Variants in ADGRL3 observed in about 807,000 individuals in gnomAD.
ADGRL3 encodes the protein adhesion G protein-coupled receptor L3.
ADGRL3 carries 62 observed loss-of-function variants against 153.5 expected under a neutral mutation model. That is an observed-to-expected ratio of 0.40 (90% CI 0.33 to 0.50). The LOEUF is 0.50. Ranked by LOEUF, ADGRL3 falls within the 20% of genes least tolerant of loss-of-function variation. The pLI is 0.47. For missense variants in ADGRL3, 1,641 were observed against 1,859.4 expected (o/e 0.88, Z 2.16); for synonymous variants, 710 against 672.5 (o/e 1.06, Z -0.86).
intron 6 of ADGRL3, among the ~76,000 whole-genome samples, chr4:61,714,525 T>A (rs769029073): frequency 6.6e-6 from 1 of 152,170 alleles, no homozygotes; most frequent in Non-Finnish European, 1.5e-5. Flanking sequence ...AAATGCCTTC[T>A]ATTTGTCTTT....
chr4:61,836,436 T>C (rs182106969), intron 9 of ADGRL3, among the ~76,000 whole-genome samples: 5 of 152,260 alleles, frequency 3.3e-5, no homozygotes, highest in Admixed American at 3.3e-4. Flanking sequence ...ATCCACTGGA[T>C]ATTTTTTTTC....
intron 19 of ADGRL3, among the ~76,000 whole-genome samples, chr4:61,986,408 A>AT (rs2150918020): frequency 6.6e-6 from 1 of 152,204 alleles, no homozygotes; most frequent in African/African-American, 2.4e-5. Context: ...TTTGAGACAG[A>AT]TGTCATTTTT....
At chr4:61,802,561 A>C (rs1349029553) in intron 8 of ADGRL3, among the ~76,000 whole-genome samples, 2 of 152,046 alleles carry the variant, frequency 1.3e-5, no homozygotes, top group Non-Finnish European at 2.9e-5. Context: ...CTCCATGAGC[A>C]CTGCTCATCG....
At chr4:61,395,292 C>G (rs576774769) in intron 2 of ADGRL3, among the ~76,000 whole-genome samples, 1 of 151,838 alleles carries the variant, frequency 6.6e-6, no homozygotes, top group Non-Finnish European at 1.5e-5. Flanking sequence ...ATGATAACAC[C>G]TTTGAAAAGA....
chr4:61,507,488 C>A (rs184379616), intron 3 of ADGRL3, among the ~76,000 whole-genome samples: 1 of 152,132 alleles, frequency 6.6e-6, no homozygotes, highest in Admixed American at 6.6e-5. Flanking sequence ...ACATTTGAGC[C>A]TGTTAACATA....
In ADGRL3 at chr4:61,440,830, C is replaced by A. The variant is rs6840179; in HGVS notation, c.-173-56291C>A. Among the ~76,000 whole-genome samples the A allele has an allele frequency of 7.8e-3, 1,190 of 152,228 alleles. 13 individuals carry two copies. The highest frequency in any genetic ancestry group is 0.027 in the African/African-American group (1,109 of 41,526). ...ATGATGATAACGACCATGACACCAA[C>A]AATAATAACAGAATTACAATTAACT... is the stretch of plus-strand genomic sequence containing the variant. On this transcript the variant is annotated intron_variant, in intron 2 of 26. Coordinates refer to ENST00000683033, the MANE Select transcript of ADGRL3 (RefSeq NM_001387552.1).
At chr4:61,425,914 G>A (rs1647834489) in intron 2 of ADGRL3, among the ~76,000 whole-genome samples, 1 of 152,208 alleles carries the variant, frequency 6.6e-6, no homozygotes, top group South Asian at 2.1e-4. Flanking sequence ...TAGGTGCATT[G>A]AGGCAGGCAA....
chr4:61,686,513 A>G (rs981082369), intron 6 of ADGRL3, among the ~76,000 whole-genome samples: 2 of 152,110 alleles, frequency 1.3e-5, no homozygotes, highest in African/African-American at 4.8e-5. Flanking sequence ...ATTTGTTTTA[A>G]ATTGACACAT....
intron 4 of ADGRL3, among the ~76,000 whole-genome samples, chr4:61,553,708 G>A (rs2343249): frequency 0.69 from 105,110 of 151,960 alleles, 37,739 homozygotes; most frequent in East Asian, 0.91. Flanking sequence ...TCAAGTGCTT[G>A]TCCTGTTCTA....
At chr4:61,352,432 A>G (rs929662724) in intron 1 of ADGRL3, among the ~76,000 whole-genome samples, 2 of 151,616 alleles carry the variant, frequency 1.3e-5, no homozygotes, top group African/African-American at 4.9e-5. Flanking sequence ...TCTGTCACCC[A>G]AGCTGGAGTG....
chr4:61,356,299 G>A (rs1450640560), intron 1 of ADGRL3, among the ~76,000 whole-genome samples: 1 of 151,936 alleles, frequency 6.6e-6, no homozygotes, highest in Non-Finnish European at 1.5e-5. Flanking sequence ...AATCTGTTAT[G>A]CAGGATTTGA....
intron 4 of ADGRL3, among the ~76,000 whole-genome samples, chr4:61,547,830 A>G (rs537529666): frequency 3.9e-5 from 6 of 152,066 alleles, no homozygotes; most frequent in Non-Finnish European, 7.4e-5. Flanking sequence ...AAATTGCCAA[A>G]CTGCTTCACA....
intron 1 of ADGRL3, among the ~76,000 whole-genome samples, chr4:61,226,001 G>A (rs1272042656): frequency 6.6e-6 from 1 of 151,484 alleles, no homozygotes; most frequent in African/African-American, 2.4e-5. Context: ...TCATTTTTCC[G>A]TAACAGCTCT....
intron 4 of ADGRL3, among the ~76,000 whole-genome samples, chr4:61,558,185 T>TATATATATAC (rs1314342361): frequency 6.9e-6 from 1 of 145,644 alleles, no homozygotes; most frequent in African/African-American, 2.5e-5. Context: ...TATATATATA[T>TATATATATAC]ATATATATAT....
rs139929080 is a variant in ADGRL3 at position 61,778,795 on chromosome 4, C to T, written c.1400-35014C>T. Among the ~76,000 whole-genome samples the T allele has an allele frequency of 4.6e-3, 696 of 152,218 alleles. 7 individuals are homozygous for T. The highest frequency in any genetic ancestry group is 0.016 in the African/African-American group (644 of 41,524). ...TTTGTAAGCTGGGCGTGGTGGATCC[C>T]GCCTGTAATCCCAGCACTGTGGGAG... On this transcript the variant is annotated intron_variant, in intron 8 of 26. Coordinates refer to ENST00000683033, the MANE Select transcript of ADGRL3 (RefSeq NM_001387552.1).
At chr4:61,746,550 A>T (rs1050660505) in intron 8 of ADGRL3, among the ~76,000 whole-genome samples, 5 of 152,192 alleles carry the variant, frequency 3.3e-5, no homozygotes, top group African/African-American at 1.2e-4. Context: ...AGGATTAAGA[A>T]ACTCACTCAA....
intron 2 of ADGRL3, among the ~76,000 whole-genome samples, chr4:61,455,915 A>T (rs1008637847): frequency 2.0e-5 from 3 of 151,958 alleles, no homozygotes; most frequent in Non-Finnish European, 2.9e-5. Context: ...TCCTGGGTTC[A>T]AGTGATTCTC....
chr4:61,633,995 A>T (rs1303624988), intron 5 of ADGRL3, among the ~76,000 whole-genome samples: 2 of 151,950 alleles, frequency 1.3e-5, no homozygotes, highest in African/African-American at 4.8e-5. Context: ...AGCAACTCTA[A>T]TACCAATTTT....
intron 15 of ADGRL3, among the ~76,000 whole-genome samples, chr4:61,937,213 C>G (rs151117533): frequency 0.011 from 1,695 of 152,194 alleles, 18 homozygotes; most frequent in Non-Finnish European, 0.016. Flanking sequence ...CAGTTGACCT[C>G]CAATTACACT....
Sources: gnomAD v4.1 joint callset for allele counts (sites outside exome capture counted in the v4.1 genomes callset) on GRCh38, gnomAD v4.1.1 for gene constraint, MANE v1.5 for transcripts, NCBI Gene and HGNC (gene_info 2026-07-23, HGNC 2026-07-21) for gene names.